Variants in NFE2L3 observed in about 807,000 individuals in gnomAD.
NFE2L3 encodes nuclear factor erythroid 2-related factor 3.
NFE2L3 carries 18 observed loss-of-function variants against 23.5 expected under a neutral mutation model. The observed-to-expected ratio is 0.77, with a 90% CI of 0.53 to 1.13. The LOEUF (loss-of-function observed/expected upper bound fraction) is 1.13, where lower values mean the gene tolerates loss of function less well. Among genes scored for constraint, NFE2L3 ranks in the 50% most tolerant of loss-of-function variants. NFE2L3 has a pLI of 0.00. For missense variants in NFE2L3, 1,152 were observed against 877.2 expected, an observed-to-expected ratio of 1.31 and a Z score of -3.96; for synonymous variants, 424 against 354.5, an observed-to-expected ratio of 1.20 and a Z score of -2.20.
intron 1 of NFE2L3, among the ~76,000 whole-genome samples, chr7:26,172,206 C>T (rs1379076622): frequency 6.6e-6 from 1 of 152,254 alleles, no homozygotes; most frequent in Non-Finnish European, 1.5e-5. Flanking sequence ...AAATTCTGGG[C>T]TAACCCTTTG....
chr7:26,181,559 G>A (rs997524065), intron 2 of NFE2L3, among the ~76,000 whole-genome samples: 1 of 152,116 alleles, frequency 6.6e-6, no homozygotes, highest in Non-Finnish European at 1.5e-5. Flanking sequence ...TCGGCCAAGA[G>A]AAAGTACAGT....
chr7:26,171,270 G>A (rs1784324412), intron 1 of NFE2L3, among the ~76,000 whole-genome samples: 1 of 152,224 alleles, frequency 6.6e-6, no homozygotes, highest in Non-Finnish European at 1.5e-5. Flanking sequence ...GTTAGGCTGG[G>A]CGTGGTGGTT....
chr7:26,186,160 T>A lies in NFE2L3; in HGVS notation c.*377T>A, dbSNP rs1782481847. Reference sequence around the variant, plus strand: ...AATTATTTTAAGAGGTATTTCAGTTTTAAATGCAAAATAGCCTTATTTTCA... The same window carrying A: ...AATTATTTTAAGAGGTATTTCAGTTATAAATGCAAAATAGCCTTATTTTCA... On this transcript the variant is annotated 3_prime_UTR_variant, in exon 4 of 4. Transcript: ENST00000056233. 1 of 165,392 alleles carries A rather than the reference T, an allele frequency of 6.0e-6. No homozygotes were observed. Among genetic ancestry groups the A allele is most frequent in the South Asian group, 1.9e-4 (1 of 5,130 alleles). The allele number at this position is 165,392 out of a possible 1,614,324, so 10.2% of individuals were successfully genotyped here. A position where few individuals can be genotyped will look rare whatever the true frequency, so the allele number is the denominator to read the frequency against.
intron 1 of NFE2L3, among the ~76,000 whole-genome samples, chr7:26,165,538 AGATCTTGGGCTGAGAC>A (rs2128098290): frequency 6.6e-6 from 1 of 152,330 alleles, no homozygotes; most frequent in Admixed American, 6.5e-5. Context: ...CAGCTTAAGG[AGATCTTGGGCTGAGAC>A]GATGGGATTT....
At chr7:26,164,234 TG>T (rs1784213710) in intron 1 of NFE2L3, among the ~76,000 whole-genome samples, 15 of 151,782 alleles carry the variant, frequency 9.9e-5, no homozygotes, top group Non-Finnish European at 2.1e-4. Flanking sequence ...ATCGCCACAC[TG>T]ACTTCCACAA....
intron 2 of NFE2L3, 116 bp from the exon 3 acceptor site, chr7:26,183,585 A>G (rs1249823787): frequency 2.9e-6 from 2 of 680,210 alleles, no homozygotes; most frequent in Non-Finnish European, 2.6e-6. Flanking sequence ...AAGGAACATA[A>G]TAGCATAAAA....
chr7:26,171,568 C>G (rs1458330239), intron 1 of NFE2L3, among the ~76,000 whole-genome samples: 1 of 151,842 alleles, frequency 6.6e-6, no homozygotes, highest in East Asian at 1.9e-4. Context: ...AAAAAAGAAG[C>G]CAGTTAAATA....
chr7:26,165,884 C>T (rs988004829), intron 1 of NFE2L3, among the ~76,000 whole-genome samples: 3 of 152,038 alleles, frequency 2.0e-5, no homozygotes, highest in Non-Finnish European at 4.4e-5. Context: ...TCAAAGCTGG[C>T]CAGGATTCTT....
rs771300184 is a variant in NFE2L3 at position 26,185,401 on chromosome 7, G to A, written c.1703G>A (p.Arg568Lys). The change falls in exon 4 of 4, where the codon AGA (arginine) becomes AAA (lysine). Residue 568 changes from arginine to lysine, a missense_variant. By Grantham distance (26) the Arg-to-Lys change is conservative. Transcript: ENST00000056233. ...GATTCTTTCAATAGCATGTTAAGTA[G>A]ATATTATCTGACAGACCTACAAGTC... ...PVDSFNSMLS[R>K]YYLTDLQVSL... 1 of 1,614,106 alleles carries A rather than the reference G, an allele frequency of 6.2e-7. No individual in the cohort carries two copies. The highest frequency in any genetic ancestry group is 8.5e-7 in the Non-Finnish European group (1 of 1,179,992).
chr7:26,183,543 T>A (rs762927510), intron 2 of NFE2L3, among the ~76,000 whole-genome samples, 158 bp from the exon 3 acceptor site: 5 of 151,500 alleles, frequency 3.3e-5, no homozygotes, highest in Non-Finnish European at 7.4e-5. Context: ...GAGATCCGTC[T>A]CAAAATATAA....
intron 1 of NFE2L3, among the ~76,000 whole-genome samples, chr7:26,177,604 A>AGGAG (rs1423919877): frequency 6.6e-6 from 1 of 152,182 alleles, no homozygotes; most frequent in Admixed American, 6.5e-5. Context: ...AAAGGAGGGA[A>AGGAG]GGAGGGAGGA....
chr7:26,179,451 G>C (rs1784468157), intron 2 of NFE2L3, among the ~76,000 whole-genome samples: 1 of 148,268 alleles, frequency 6.7e-6, no homozygotes, highest in African/African-American at 2.5e-5. Flanking sequence ...AGTGAGCTGT[G>C]ATCACACCAG....
At chr7:26,161,493 T>C (rs1390974454) in intron 1 of NFE2L3, among the ~76,000 whole-genome samples, 1 of 152,006 alleles carries the variant, frequency 6.6e-6, no homozygotes, top group Non-Finnish European at 1.5e-5. Context: ...GCTGAATGAA[T>C]ACCTCTGGAG....
chr7:26,183,442 G>A (rs1303862699), intron 2 of NFE2L3, among the ~76,000 whole-genome samples: 2 of 143,840 alleles, frequency 1.4e-5, no homozygotes, highest in Admixed American at 6.9e-5. Flanking sequence ...CAGCTACTCC[G>A]GAGGCTAAGG....
intron 1 of NFE2L3, among the ~76,000 whole-genome samples, chr7:26,169,660 T>C (rs1331078448): frequency 6.6e-6 from 1 of 152,332 alleles, no homozygotes; most frequent in Non-Finnish European, 1.5e-5. Context: ...GTTTATTATA[T>C]TTGCTTCACA....
chr7:26,185,786 A>G lies in NFE2L3; in HGVS notation c.*3A>G, dbSNP rs766147372. On this transcript the variant is annotated 3_prime_UTR_variant, in exon 4 of 4. Coordinates refer to ENST00000056233, the MANE Select transcript of NFE2L3 (RefSeq NM_004289.7). ...CCCAAAAGGGAAAGAGAAAGTGAGAAGAAACTGAAGATGGACTCTATTATG... is the reference window on the plus strand; with the variant it reads ...CCCAAAAGGGAAAGAGAAAGTGAGAGGAAACTGAAGATGGACTCTATTATG... The G allele has an allele frequency of 2.5e-6, 4 of 1,575,436 alleles. No homozygotes were observed. In the African/African-American group the frequency reaches 5.5e-5, roughly 22 times the overall value.
intron 1 of NFE2L3, among the ~76,000 whole-genome samples, chr7:26,167,459 T>C (rs957674583): frequency 2.6e-5 from 4 of 151,966 alleles, no homozygotes; most frequent in African/African-American, 9.7e-5. Context: ...TCAGTAGGTG[T>C]TTAGTTGTGA....
At chr7:26,157,878 G>GA (rs1437801951) in intron 1 of NFE2L3, among the ~76,000 whole-genome samples, 5 of 152,200 alleles carry the variant, frequency 3.3e-5, no homozygotes, top group African/African-American at 1.2e-4. Context: ...CTGTGAGGGA[G>GA]AAAGTGTTCT....
rs748462916 is a variant in NFE2L3 at position 26,185,350 on chromosome 7, T to C, written c.1652T>C (p.Val551Ala). The C allele has an allele frequency of 1.9e-6, 3 of 1,614,124 alleles. No homozygotes were observed. Among genetic ancestry groups the C allele is most frequent in the African/African-American group, 1.3e-5 (1 of 75,046 alleles). Residue 551 changes from valine (V) to alanine (A), a missense_variant, in exon 4 of 4, where the codon GTA (valine) becomes GCA (alanine). Physicochemically the swap from Val to Ala is moderately conservative, Grantham distance 64 (BLOSUM62 0). Transcript: ENST00000056233. ...RAKALHIPFS[V>A]DEIVGMPVDS... ...AAAGCTTTGCATATCCCTTTTTCTGTAGATGAAATTGTCGGCATGCCTGTT... is the reference window on the plus strand; with the variant it reads ...AAAGCTTTGCATATCCCTTTTTCTGCAGATGAAATTGTCGGCATGCCTGTT...
Sources: gnomAD v4.1 joint callset for allele counts (sites outside exome capture counted in the v4.1 genomes callset) on GRCh38, gnomAD v4.1.1 for gene constraint, MANE v1.5 for transcripts, NCBI Gene and HGNC (gene_info 2026-07-23, HGNC 2026-07-21) for gene names.